The following AFAP1 variants were observed in gnomAD, a reference collection of about 807,000 sequenced individuals.
AFAP1 encodes the protein actin filament associated protein 1.
A neutral mutation model predicts 93.9 loss-of-function variants in AFAP1; 75 were observed. The observed-to-expected ratio is 0.80, with a 90% confidence interval of 0.66 to 0.97. AFAP1 has a LOEUF of 0.97. Ranked by LOEUF, AFAP1 falls within the 50% of genes least tolerant of loss-of-function variation. The pLI is 0.00. For synonymous variants in AFAP1, 517 were observed against 430.7 expected, an observed-to-expected ratio of 1.20 and a Z score of -2.48; for missense variants, 1,201 against 1,050.8, an observed-to-expected ratio of 1.14 and a Z score of -1.98.
chr4:7,884,508 A>G (rs13115701), intron 1 of AFAP1, among the ~76,000 whole-genome samples: 16,612 of 133,298 alleles, frequency 0.12, 1,124 homozygotes, highest in Non-Finnish European at 0.2. Flanking sequence ...TGATACTAAC[A>G]TATTTAAATT....
At position 7,843,150 on chromosome 4, in the gene AFAP1, T is replaced by A; in HGVS notation, c.535A>T (p.Thr179Ser). The change falls in exon 5 of 18, where the codon ACC becomes TCC. Residue 179 changes from threonine to serine, a missense_variant. Transcript: ENST00000420658. Reference protein sequence around the residue: ...WTKLLCVIKDTKLLCYKSSKD... With the variant: ...WTKLLCVIKDSKLLCYKSSKD... ...TCCAAATGTCTTACCAGCAGTTTGGTGTCTTTGATGACGCAGAGCAACTTG... is the reference window on the plus strand; with the variant it reads ...TCCAAATGTCTTACCAGCAGTTTGGAGTCTTTGATGACGCAGAGCAACTTG... 6.2e-7 allele frequency: 1 copy of A among 1,613,994 alleles called. No individual in the cohort carries two copies. Among genetic ancestry groups the A allele is most frequent in the African/African-American group, 1.3e-5 (1 of 75,030 alleles).
chr4:7,778,649 C>G (rs962406275), intron 14 of AFAP1, 113 bp downstream of exon 14: 6 of 1,007,450 alleles, frequency 6.0e-6, no homozygotes, highest in Non-Finnish European at 9.5e-6. Flanking sequence ...GCCCACCGCT[C>G]CATCTCTCCA....
intron 11 of AFAP1, among the ~76,000 whole-genome samples, chr4:7,790,042 C>T (rs1192616347): frequency 2.6e-5 from 4 of 152,108 alleles, no homozygotes; most frequent in South Asian, 2.1e-4. Context: ...ATATTACTGC[C>T]GTCTCTTCCT....
intron 6 of AFAP1, among the ~76,000 whole-genome samples, chr4:7,827,240 T>C (rs1288363870): frequency 1.3e-5 from 2 of 151,664 alleles, no homozygotes; most frequent in Admixed American, 1.3e-4. Context: ...CTACGGGAAG[T>C]ATCAGAGGAC....
chr4:7,796,263 G>A (rs1577218760), intron 10 of AFAP1, among the ~76,000 whole-genome samples: 1 of 152,182 alleles, frequency 6.6e-6, no homozygotes. Context: ...GAAAAGTACA[G>A]GATGAGCCTG....
At chr4:7,828,225 G>A (rs895384438) in intron 6 of AFAP1, among the ~76,000 whole-genome samples, 1 of 152,168 alleles carries the variant, frequency 6.6e-6, no homozygotes, top group Non-Finnish European at 1.5e-5. Context: ...ACCACAAGAT[G>A]CTAAGAAATC....
chr4:7,796,763 C>CA lies in AFAP1; in HGVS notation c.1267-2938dup, dbSNP rs35572939. Among the ~76,000 whole-genome samples, 104 of 83,998 alleles carry CA rather than the reference C, an allele frequency of 1.2e-3. 1 individual carries two copies. The highest frequency in any genetic ancestry group is 2.6e-3 in the African/African-American group (51 of 19,818). The allele number at this position is 83,998 out of a possible 152,430, so 55.1% of individuals were successfully genotyped here. A position where few individuals can be genotyped will look rare whatever the true frequency, so the allele number is the denominator to read the frequency against. On this transcript the variant is annotated intron_variant, in intron 10 of 17. Transcript: ENST00000420658. ...GAGACTTGTCTCAAAAAAAAAAAAA[C>CA]AAAAAAAAACTATGGGTTGGGCACG...
chr4:7,833,755 G>C (rs960690078), intron 6 of AFAP1, among the ~76,000 whole-genome samples: 10 of 151,834 alleles, frequency 6.6e-5, no homozygotes, highest in Non-Finnish European at 1.3e-4. Context: ...TGCCTGGCTA[G>C]TTTTTTGTAT....
At chr4:7,836,290 G>A (rs991598442) in intron 6 of AFAP1, among the ~76,000 whole-genome samples, 3 of 152,174 alleles carry the variant, frequency 2.0e-5, no homozygotes, top group Non-Finnish European at 2.9e-5. Flanking sequence ...AAAACACGAC[G>A]CTAAATGAAA....
chr4:7,930,346 T>C (rs56078222), intron 1 of AFAP1, among the ~76,000 whole-genome samples: 39,484 of 151,946 alleles, frequency 0.26, 6,379 homozygotes, highest in Non-Finnish European at 0.37. Context: ...TTTCATAACA[T>C]AGACATGATT....
intron 16 of AFAP1, among the ~76,000 whole-genome samples, chr4:7,771,311 G>T (rs965273929): frequency 6.6e-6 from 1 of 152,188 alleles, no homozygotes; most frequent in Middle Eastern, 3.4e-3. Flanking sequence ...CTGAGCCCAG[G>T]AGTTCAAGAA....
chr4:7,825,524 T>C (rs1002119899), intron 6 of AFAP1, among the ~76,000 whole-genome samples: 2 of 152,036 alleles, frequency 1.3e-5, no homozygotes, highest in African/African-American at 4.8e-5. Flanking sequence ...AGACAGAAAT[T>C]AGAAAATATT....
intron 15 of AFAP1, 177 bp downstream of exon 15, chr4:7,774,562 C>T (rs1715891840): frequency 3.0e-6 from 3 of 995,802 alleles, no homozygotes; most frequent in South Asian, 3.7e-5. Flanking sequence ...CACACAGGCA[C>T]CTGCCTCGGG....
chr4:7,780,642 T>TA (rs559935962), intron 13 of AFAP1, among the ~76,000 whole-genome samples: 1,617 of 141,900 alleles, frequency 0.011, 34 homozygotes, highest in African/African-American at 0.043. Flanking sequence ...TGAGACTTCA[T>TA]CTTTTTTTTT....
At chr4:7,858,465 T>TA (rs1291271819) in intron 3 of AFAP1, among the ~76,000 whole-genome samples, 2 of 152,118 alleles carry the variant, frequency 1.3e-5, no homozygotes, top group African/African-American at 4.8e-5. Context: ...TCAGGCTTGT[T>TA]AAAGTCAAAC....
intron 4 of AFAP1, among the ~76,000 whole-genome samples, chr4:7,849,300 T>C (rs1268470919): frequency 1.3e-5 from 2 of 152,072 alleles, no homozygotes; most frequent in African/African-American, 4.8e-5. Context: ...CTCATTTCTC[T>C]TGGAGTTCTA....
intron 3 of AFAP1, among the ~76,000 whole-genome samples, chr4:7,857,289 G>A (rs1715176921): frequency 6.6e-6 from 1 of 152,108 alleles, no homozygotes; most frequent in South Asian, 2.1e-4. Context: ...CGCTTTCTAT[G>A]TAACTCATCT....
In AFAP1 at chr4:7,822,176, A is replaced by C. The variant is rs147853287; in HGVS notation, c.727-3005T>G. On this transcript the variant is annotated intron_variant, in intron 6 of 17. Transcript: ENST00000420658. ...TAGGGAAGGCATGTTCACGCAATGG[A>C]AAACTCCTGAGCTTCTACGTCAAAC... Among the ~76,000 whole-genome samples, 66 of 152,304 alleles carry C rather than the reference A, an allele frequency of 4.3e-4. No homozygotes were observed. In the East Asian group the frequency reaches 0.011, roughly 26 times the overall value.
intron 12 of AFAP1, among the ~76,000 whole-genome samples, chr4:7,784,116 C>T (rs1272130138): frequency 1.3e-5 from 2 of 152,106 alleles, no homozygotes; most frequent in Admixed American, 6.5e-5. Flanking sequence ...GCAGGAAGAA[C>T]TCGCACAAGC....
Sources: allele counts gnomAD v4.1 joint callset (sites outside exome capture counted in the v4.1 genomes callset), GRCh38; gene constraint gnomAD v4.1.1; transcripts MANE v1.5; gene names NCBI Gene and HGNC (gene_info 2026-07-23, HGNC 2026-07-21).